Variants in GREB1L observed in about 807,000 individuals in gnomAD.
GREB1L encodes GREB1-like protein.
In GREB1L, 17 loss-of-function variants were observed where a neutral mutation model predicts 200.8. The observed-to-expected ratio is 0.08, with a 90% CI of 0.06 to 0.13. The LOEUF (loss-of-function observed/expected upper bound fraction) is 0.13, where lower values mean the gene tolerates loss of function less well. Among genes scored for constraint, GREB1L ranks in the 10% least tolerant of loss-of-function variants. The probability of loss-of-function intolerance (pLI) is 1.00; values close to 1 mark genes in which losing one functional copy is unlikely to be tolerated. For missense variants in GREB1L, 1,657 were observed against 2,367.7 expected (o/e 0.70, Z 6.23); for synonymous variants, 789 against 893.0 (o/e 0.88, Z 2.08).
At chr18:21,350,478 A>T (rs928453825) in intron 1 of GREB1L, among the ~76,000 whole-genome samples, 64 of 152,078 alleles carry the variant, frequency 4.2e-4, no homozygotes, top group African/African-American at 1.5e-3. Context: ...ACCTCAGGTG[A>T]TCCACCCGCC....
At chr18:21,243,482 G>GT (rs934193448) in intron 1 of GREB1L, among the ~76,000 whole-genome samples, 2 of 152,140 alleles carry the variant, frequency 1.3e-5, no homozygotes, top group African/African-American at 2.4e-5. Flanking sequence ...ACCGTAAGGT[G>GT]TTTTTTTCCG....
At chr18:21,465,983 C>T (rs1435757625) in intron 15 of GREB1L, among the ~76,000 whole-genome samples, 3 of 152,056 alleles carry the variant, frequency 2.0e-5, no homozygotes, top group Non-Finnish European at 4.4e-5. Context: ...TACCATAATG[C>T]CTTAACTTCT....
At chr18:21,514,025 A>G (rs1568076687) in intron 28 of GREB1L, 39 bp downstream of exon 28, 6 of 1,519,642 alleles carry the variant, frequency 3.9e-6, no homozygotes, top group Non-Finnish European at 5.3e-6. Context: ...ACAATGCTAT[A>G]GACAGGACAA....
At chr18:21,490,794 GGTAAA>G (rs1384267470) in intron 19 of GREB1L, among the ~76,000 whole-genome samples, 4 of 152,062 alleles carry the variant, frequency 2.6e-5, no homozygotes, top group African/African-American at 9.7e-5. Flanking sequence ...GTCTAGAGTC[GGTAAA>G]GTATTCTGTT....
At chr18:21,501,495 G>A (rs2036791874) in intron 23 of GREB1L, among the ~76,000 whole-genome samples, 1 of 152,108 alleles carries the variant, frequency 6.6e-6, no homozygotes, top group Non-Finnish European at 1.5e-5. Flanking sequence ...TTGGTTTTCT[G>A]TTCCTGTGTT....
chr18:21,313,879 A>G, intron 1 of GREB1L, among the ~76,000 whole-genome samples: 1 of 152,238 alleles, frequency 6.6e-6, no homozygotes, highest in Non-Finnish European at 1.5e-5. Context: ...CATCTTTACA[A>G]AGAATAAAAA....
At chr18:21,268,264 GT>G (rs1032446970) in intron 1 of GREB1L, among the ~76,000 whole-genome samples, 1 of 151,726 alleles carries the variant, frequency 6.6e-6, no homozygotes, top group Non-Finnish European at 1.5e-5. Context: ...AGGGAGAAGT[GT>G]TTGTGCCAGC....
At chr18:21,301,051 T>C (rs916731484) in intron 1 of GREB1L, among the ~76,000 whole-genome samples, 1 of 152,232 alleles carries the variant, frequency 6.6e-6, no homozygotes, top group African/African-American at 2.4e-5. Context: ...AGCATGATGC[T>C]TTCTGTGCTA....
intron 7 of GREB1L, among the ~76,000 whole-genome samples, chr18:21,410,537 C>A (rs1161124184): frequency 6.6e-6 from 1 of 151,682 alleles, no homozygotes; most frequent in East Asian, 1.9e-4. Context: ...TGTCTGTAGT[C>A]CCAGCTACTG....
chr18:21,328,200 T>C (rs2039053862), intron 1 of GREB1L, among the ~76,000 whole-genome samples: 1 of 151,088 alleles, frequency 6.6e-6, no homozygotes, highest in Admixed American at 6.6e-5. Flanking sequence ...CCCCAGGATG[T>C]TTAAGCACTG....
At chr18:21,299,720 G>A (rs1042252019) in intron 1 of GREB1L, among the ~76,000 whole-genome samples, 8 of 152,012 alleles carry the variant, frequency 5.3e-5, no homozygotes, top group African/African-American at 1.9e-4. Context: ...ATTTCACTTA[G>A]TTTCAAATCT....
rs560256368 is a variant in GREB1L at position 21,254,809 on chromosome 18, C to CA, written c.-120+12417dup. ...TTGCAGCACACACGACTCATACCCT[C>CA]ACACAGCTTTGACTGGAGTCAGAAA... On this transcript the variant is annotated intron_variant, in intron 1 of 32. Coordinates refer to ENST00000424526, the MANE Select transcript of GREB1L (RefSeq NM_001142966.3). Among the ~76,000 whole-genome samples the CA allele has an allele frequency of 6.6e-4, 100 of 152,256 alleles. 1 individual carries two copies. The highest frequency in any genetic ancestry group is 5.2e-3 in the South Asian group (25 of 4,826).
chr18:21,242,989 C>T (rs1171940610), intron 1 of GREB1L, among the ~76,000 whole-genome samples: 2 of 152,020 alleles, frequency 1.3e-5, no homozygotes, highest in Admixed American at 1.3e-4. Context: ...TTTTTTTCCT[C>T]AACACCAAAT....
chr18:21,275,897 T>A (rs934982735), intron 1 of GREB1L, among the ~76,000 whole-genome samples: 2 of 152,330 alleles, frequency 1.3e-5, no homozygotes. Flanking sequence ...CGTCGTTGAA[T>A]GTGACGTCAA....
intron 2 of GREB1L, among the ~76,000 whole-genome samples, chr18:21,373,416 C>T (rs2039955923): frequency 6.6e-6 from 1 of 152,144 alleles, no homozygotes; most frequent in Non-Finnish European, 1.5e-5. Flanking sequence ...TCACTGCAAC[C>T]TCCGCGTCCC....
chr18:21,454,357 A>T lies in GREB1L; in HGVS notation c.1985-9A>T. The T allele has an allele frequency of 3.2e-6, 5 of 1,541,796 alleles. No homozygotes were observed. The South Asian group carries it at 4.8e-5, about 15-fold the overall frequency. On this transcript the variant is annotated splice_polypyrimidine_tract_variant and intron_variant, in intron 14 of 32. Transcript: ENST00000424526. Reference sequence around the variant, plus strand: ...AACCTTGTTCTTATGACTTCTCTTTAAATTTTAGATTTAGATAATGAAACC... The same window carrying T: ...AACCTTGTTCTTATGACTTCTCTTTTAATTTTAGATTTAGATAATGAAACC...
chr18:21,332,835 C>T (rs2039125538), intron 1 of GREB1L, among the ~76,000 whole-genome samples: 1 of 152,102 alleles, frequency 6.6e-6, no homozygotes. Context: ...AATCCCAGCA[C>T]TTTGGAAGGC....
chr18:21,515,111 T>A (rs2037370965), intron 28 of GREB1L, among the ~76,000 whole-genome samples: 1 of 152,198 alleles, frequency 6.6e-6, no homozygotes, highest in African/African-American at 2.4e-5. Flanking sequence ...GAAGGATACC[T>A]CTATGCTTCC....
At chr18:21,348,024 A>C (rs2039376787) in intron 1 of GREB1L, among the ~76,000 whole-genome samples, 1 of 140,426 alleles carries the variant, frequency 7.1e-6, no homozygotes, top group Non-Finnish European at 1.5e-5. Flanking sequence ...GGCTCACTGC[A>C]AACTCCGCCT....
Sources: gnomAD v4.1 joint callset for allele counts (sites outside exome capture counted in the v4.1 genomes callset) on GRCh38, gnomAD v4.1.1 for gene constraint, MANE v1.5 for transcripts, NCBI Gene and HGNC (gene_info 2026-07-23, HGNC 2026-07-21) for gene names.